IL32: variants seen among roughly 807,000 people sequenced by gnomAD.
IL32 encodes interleukin 32, also known as interleukin-32.
A neutral mutation model predicts 16.6 loss-of-function variants in IL32; 30 were observed. That is an observed-to-expected ratio of 1.81 (90% CI 1.35 to 2.45). IL32 has a LOEUF of 2.45. Ranked by LOEUF, IL32 falls within the 30% of genes most tolerant of loss-of-function variation. IL32 has a pLI of 0.00. For missense variants in IL32, 234 were observed against 229.8 expected, an observed-to-expected ratio of 1.02 and a Z score of -0.12; for synonymous variants, 70 against 86.1, an observed-to-expected ratio of 0.81 and a Z score of 1.03.
chr16:3,067,969 C>A lies in IL32; in HGVS notation c.115-15C>A, dbSNP rs566548333. On this transcript the variant is annotated splice_polypyrimidine_tract_variant and intron_variant, in intron 4 of 6. Coordinates refer to ENST00000525643, the MANE Select transcript of IL32 (RefSeq NM_001376923.1). Reference sequence around the variant, plus strand: ...GGAGGCTTGGGCCTGGAACCGAGTGCTTTGTTCCTAACAGGTGATGTCGAG... The same window carrying A: ...GGAGGCTTGGGCCTGGAACCGAGTGATTTGTTCCTAACAGGTGATGTCGAG... 2 of 1,614,102 alleles carry A rather than the reference C, an allele frequency of 1.2e-6. No homozygotes were observed. Among genetic ancestry groups the A allele is most frequent in the East Asian group, 4.5e-5 (2 of 44,876 alleles).
At chr16:3,065,541 C>T (rs1956221201), upstream of IL32, 9 of 585,524 alleles carry the variant, frequency 1.5e-5, no homozygotes, top group South Asian at 1.8e-4. Context: ...CTGTCTCTGT[C>T]TGTTTTTCAC....
rs4786371 is a variant in IL32 at position 3,067,120 on chromosome 16, T to A, written c.16-257T>A. ...GAGGAGGGGTCACCTAGGCCCATGC[T>A]GGCCCTGCTCTTGGGCCTGCCCAGC... On this transcript the variant is annotated intron_variant, in intron 2 of 6. Transcript: ENST00000525643. 6.9e-3 allele frequency among the ~76,000 whole-genome samples: 261 copies of A among 37,788 alleles called. 55 individuals carry two copies. The highest frequency in any genetic ancestry group is 0.021 in the Middle Eastern group (1 of 48). 24.8% of individuals were successfully genotyped at this position (37,788 alleles called of 152,430 possible). A position where few individuals can be genotyped will look rare whatever the true frequency, so the allele number is the denominator to read the frequency against.
At chr16:3,067,924 T>C (rs1318701338) in intron 4 of IL32, 60 bp from the exon 5 acceptor site, 7 of 1,593,818 alleles carry the variant, frequency 4.4e-6, no homozygotes, top group Non-Finnish European at 6.0e-6. Context: ...GCTTGAGGAC[T>C]GACTGATGTG....
At position 3,068,170 on chromosome 16, in the gene IL32, C is replaced by T. The variant is rs369116355; in HGVS notation, c.142-10C>T. The T allele has an allele frequency of 9.3e-5, 149 of 1,603,912 alleles. No individual in the cohort carries two copies. Among genetic ancestry groups the T allele is most frequent in the Middle Eastern group, 3.3e-4 (2 of 6,070 alleles). ...AGCAGCATGAACCCCCTGTGCCCTC[C>T]TCTCCCCAGGACGACTTCAAAGAGG... On this transcript the variant is annotated splice_polypyrimidine_tract_variant and intron_variant, in intron 5 of 6. Coordinates refer to ENST00000525643, the MANE Select transcript of IL32 (RefSeq NM_001376923.1).
chr16:3,068,085 CGGGTCCCCTT>C lies in IL32; in HGVS notation c.141+79_142-82del. ...TCCACAGGACACTGGGTCTGGGCCC[CGGGTCCCCTT>C]GGGAATCACCTGGACCAGTGGGGGC... On this transcript the variant is annotated intron_variant, in intron 5 of 6. Coordinates refer to ENST00000525643, the MANE Select transcript of IL32 (RefSeq NM_001376923.1). 1.9e-6 allele frequency: 3 copies of C among 1,604,964 alleles called. No homozygotes were observed. The South Asian group carries it at 3.3e-5, about 18-fold the overall frequency.
rs113075507 is a variant in IL32, at chr16:3,067,421, G to A, written c.54+6G>A. ...AGAAGCTGAAGGCCCGAATGGTAAT[G>A]CTCCTCCCTACTTCTGCTCAGGGGT... On this transcript the variant is annotated splice_donor_region_variant and intron_variant, in intron 3 of 6. Transcript: ENST00000525643. 2 of 1,593,164 alleles carry A rather than the reference G, an allele frequency of 1.3e-6. No individual in the cohort carries two copies. Among genetic ancestry groups the A allele is most frequent in the South Asian group, 2.2e-5 (2 of 88,994 alleles).
chr16:3,066,317 G>A (rs1160452505), intron 2 of IL32, among the ~76,000 whole-genome samples: 1 of 152,220 alleles, frequency 6.6e-6, no homozygotes, highest in African/African-American at 2.4e-5. Flanking sequence ...CCATGATGTG[G>A]CCTGGCTCAG....
At chr16:3,065,848 C>G (rs992376544) in intron 2 of IL32, 22 bp downstream of exon 2, 15 of 1,613,866 alleles carry the variant, frequency 9.3e-6, no homozygotes, top group Non-Finnish European at 1.3e-5. Context: ...GCTGCGTGTG[C>G]TTTTGTGGGC....
intron 3 of IL32, 54 bp from the exon 4 acceptor site, chr16:3,067,500 C>CCCTGGAGGGACAAGGAT: frequency 6.2e-7 from 1 of 1,613,954 alleles, no homozygotes; most frequent in Non-Finnish European, 8.5e-7. Flanking sequence ...ACACCTGGGA[C>CCCTGGAGGGACAAGGAT]CCTGGAGGGA....
In IL32 at chr16:3,068,657, C is replaced by T. The variant is rs373838732; in HGVS notation, c.202-333C>T. ...TGGTGTGGGCAGGGTGTGCCCAGCC[C>T]CTGAGCTTGGGGTGGAGGGCTGGGA... On this transcript the variant is annotated intron_variant, in intron 6 of 6. Coordinates refer to ENST00000525643, the MANE Select transcript of IL32 (RefSeq NM_001376923.1). The T allele has an allele frequency of 3.0e-5, 13 of 431,440 alleles. 2 individuals are homozygous for T. Among genetic ancestry groups the T allele is most frequent in the African/African-American group, 2.2e-4 (11 of 49,962 alleles). 26.7% of individuals were successfully genotyped at this position (431,440 alleles called of 1,614,324 possible).
At chr16:3,065,973 T>A (rs932063441) in intron 2 of IL32, 147 bp downstream of exon 2, 23 of 987,070 alleles carry the variant, frequency 2.3e-5, no homozygotes, top group Admixed American at 2.3e-4. Context: ...GGGGTGAGAG[T>A]GTCAGTGGAG....
intron 3 of IL32, 52 bp downstream of exon 3, chr16:3,067,467 T>C (rs1956510939): frequency 4.3e-6 from 7 of 1,613,592 alleles, no homozygotes; most frequent in Admixed American, 3.3e-5. Flanking sequence ...GGTCTCAGCG[T>C]GTGACACTGA....
Position 3,068,160 on chromosome 16 carries a change from CT to C in IL32, c.142-19del. 1 of 1,603,786 alleles carries C rather than the reference CT, an allele frequency of 6.2e-7. No homozygotes were observed. Among genetic ancestry groups the C allele is most frequent in the African/African-American group, 1.3e-5 (1 of 74,782 alleles). ...GGCAGGCAGGAGCAGCATGAACCCC[CT>C]GTGCCCTCCTCTCCCCAGGACGACT... On this transcript the variant is annotated intron_variant, in intron 5 of 6. Coordinates refer to ENST00000525643, the MANE Select transcript of IL32 (RefSeq NM_001376923.1).
At chr16:3,067,736 G>A (rs2151192829) in intron 4 of IL32, 123 bp downstream of exon 4, 1 of 906,758 alleles carries the variant, frequency 1.1e-6, no homozygotes, top group Non-Finnish European at 1.7e-6. Context: ...CCTTACCGTG[G>A]GCAAATGCTT....
chr16:3,068,954 C>T lies in IL32; in HGVS notation c.202-36C>T, dbSNP rs1264903062. 6 of 1,599,030 alleles carry T rather than the reference C, an allele frequency of 3.8e-6. No individual in the cohort carries two copies. In the African/African-American group the frequency reaches 6.8e-5, roughly 18 times the overall value. ...GGCCAGGGCCTGGGGCTGACACCCC[C>T]ACCTACAGACCCTGAATGGTGCTCC... On this transcript the variant is annotated intron_variant, in intron 6 of 6. Transcript: ENST00000525643.
At chr16:3,068,407 G>C (rs1956676719) in intron 6 of IL32, 168 bp downstream of exon 6, 1 of 644,282 alleles carries the variant, frequency 1.6e-6, no homozygotes, top group Admixed American at 2.6e-5. Context: ...TCGGGTTTAA[G>C]TGATTCTCCT....
rs746754097 is a variant in IL32 at position 3,069,240 on chromosome 16, T to G, written c.452T>G (p.Phe151Cys). Reference protein sequence around the residue: ...VQALWKQFQSFCCSLSELFMS... With the variant: ...VQALWKQFQSCCCSLSELFMS... ...GCCCTCTGGAAACAGTTCCAGAGTT[T>G]CTGCTGCTCTCTGTCAGAGCTCTTC... is the stretch of plus-strand genomic sequence containing the variant. The change falls in exon 7 of 7, where the codon TTC (phenylalanine) becomes TGC (cysteine). Residue 151 changes from phenylalanine to cysteine, a missense_variant. By Grantham distance (205) the Phe-to-Cys change is radical. Coordinates refer to ENST00000525643, the MANE Select transcript of IL32 (RefSeq NM_001376923.1). The G allele has an allele frequency of 1.2e-6, 2 of 1,614,262 alleles. No individual in the cohort carries two copies. The highest frequency in any genetic ancestry group is 1.7e-6 in the Non-Finnish European group (2 of 1,180,052).
intron 4 of IL32, 92 bp downstream of exon 4, chr16:3,067,705 G>C: frequency 9.7e-7 from 1 of 1,034,670 alleles, no homozygotes; most frequent in Non-Finnish European, 1.5e-6. Context: ...GGATGAAGAG[G>C]GACCCACAGG....
rs760499463 is a variant in IL32, at chr16:3,065,784, G to T, written c.-28G>T. ...CCTCACACCTGTTCCTCGCCAGCAG[G>T]CCTTGGCTCCTTGAACTTTTGGCCG... On this transcript the variant is annotated splice_region_variant and 5_prime_UTR_variant, in exon 2 of 7. Coordinates refer to ENST00000525643, the MANE Select transcript of IL32 (RefSeq NM_001376923.1). The T allele has an allele frequency of 2.5e-5, 40 of 1,614,012 alleles. 1 individual carries two copies. Among genetic ancestry groups the T allele is most frequent in the Non-Finnish European group, 3.2e-5 (38 of 1,179,986 alleles).
Sources: allele counts gnomAD v4.1 joint callset (sites outside exome capture counted in the v4.1 genomes callset), GRCh38; gene constraint gnomAD v4.1.1; transcripts MANE v1.5; gene names NCBI Gene and HGNC (gene_info 2026-07-23, HGNC 2026-07-21).